DBN1: variants seen among roughly 807,000 people sequenced by gnomAD.
DBN1 encodes drebrin.
DBN1 carries 21 observed loss-of-function variants against 83.5 expected under a neutral mutation model. The observed-to-expected ratio is 0.25, with a 90% CI of 0.18 to 0.36. The LOEUF (loss-of-function observed/expected upper bound fraction) is 0.36. Ranked by LOEUF, DBN1 falls within the 10% of genes least tolerant of loss-of-function variation. The probability of loss-of-function intolerance (pLI) is 1.00; values close to 1 mark genes in which losing one functional copy is unlikely to be tolerated. For synonymous variants in DBN1, 381 were observed against 384.9 expected (o/e 0.99, Z 0.12); for missense variants, 874 against 935.7 (o/e 0.93, Z 0.86).
rs1384919099 is a variant in DBN1, at chr5:177,460,376, G to A, written c.955+56C>T. On this transcript the variant is annotated intron_variant, in intron 10 of 14. Transcript: ENST00000393565. Reference sequence around the variant, plus strand: ...TCCCTTCTGAGAGAGTCCCAGAGAGGCTCAGGGCCGCAACCTGAGGAGTGG... The same window carrying A: ...TCCCTTCTGAGAGAGTCCCAGAGAGACTCAGGGCCGCAACCTGAGGAGTGG... 3.1e-6 allele frequency: 5 copies of A among 1,610,534 alleles called. No homozygotes were observed. The African/African-American group carries it at 6.7e-5, about 22-fold the overall frequency.
chr5:177,467,722 G>A lies in DBN1; in HGVS notation c.330+21C>T. 3 of 1,552,534 alleles carry A rather than the reference G, an allele frequency of 1.9e-6. No individual in the cohort carries two copies. Among genetic ancestry groups the A allele is most frequent in the Non-Finnish European group, 2.6e-6 (3 of 1,147,834 alleles). ...CTGGTGGCTGTCCCCACCCCCAAGA[G>A]CGCTGGCCCCTGACACGCACCTGGA... On this transcript the variant is annotated intron_variant, in intron 4 of 14. Transcript: ENST00000393565. This position sits in a 1 kb window ranked among gnomAD's most constrained non-coding sequence, Gnocchi z 9.1.
At chr5:177,459,480 C>T (rs1005732278) in intron 11 of DBN1, 123 bp downstream of exon 11, 3 of 1,335,562 alleles carry the variant, frequency 2.2e-6, no homozygotes, top group South Asian at 1.6e-5. Context: ...AAGAGGCAGG[C>T]AGTGCCTGCC....
rs1051185804 is a variant in DBN1, at chr5:177,457,200, A to G, written c.*233T>C. On this transcript the variant is annotated 3_prime_UTR_variant, in exon 15 of 15. Transcript: ENST00000393565. Reference sequence around the variant, plus strand: ...ATTTGCAACAGCGTCTCAACTACCAACGAGAGGAAAGCCAGTCAACTGTAC... The same window carrying G: ...ATTTGCAACAGCGTCTCAACTACCAGCGAGAGGAAAGCCAGTCAACTGTAC... 2 of 560,794 alleles carry G rather than the reference A, an allele frequency of 3.6e-6. No individual in the cohort carries two copies. Among genetic ancestry groups the G allele is most frequent in the Non-Finnish European group, 6.4e-6 (2 of 313,806 alleles). 34.7% of individuals were successfully genotyped at this position (560,794 alleles called of 1,614,324 possible). A position where few individuals can be genotyped will look rare whatever the true frequency, so the allele number is the denominator to read the frequency against.
intron 8 of DBN1, among the ~76,000 whole-genome samples, chr5:177,462,063 C>T (rs1279109422): frequency 2.0e-5 from 3 of 152,130 alleles, no homozygotes; most frequent in Admixed American, 6.5e-5. Context: ...GTGTGCCACC[C>T]GCTCACCCCC....
rs1757491730 is a variant in DBN1 at position 177,467,003 on chromosome 5, C to T, written c.615G>A (p.Arg205=). 1 of 1,613,668 alleles carries T rather than the reference C, an allele frequency of 6.2e-7. No homozygotes were observed. Among genetic ancestry groups the T allele is most frequent in the Non-Finnish European group, 8.5e-7 (1 of 1,179,950 alleles). ...CCTGCTCCATCCGCTCCTGCTCGAA[C>T]CTGAGCCTCTCATCCAGGGCCTTCT... is the stretch of plus-strand genomic sequence containing the variant. ...ERKKALDERL[R]FEQERMEQER... Residue 205 remains arginine, a synonymous_variant, in exon 7 of 15, where the codon AGG becomes AGA. Transcript: ENST00000393565. This position sits in a 1 kb window ranked among gnomAD's most constrained non-coding sequence, Gnocchi z 9.1.
rs759180966 is a variant in DBN1, at chr5:177,467,337, A to C, written c.478-5T>G. 7 of 1,614,062 alleles carry C rather than the reference A, an allele frequency of 4.3e-6. No homozygotes were observed. Among genetic ancestry groups the C allele is most frequent in the Non-Finnish European group, 4.2e-6 (5 of 1,180,018 alleles). On this transcript the variant is annotated splice_region_variant and splice_polypyrimidine_tract_variant and intron_variant, in intron 5 of 14. Coordinates refer to ENST00000393565, the MANE Select transcript of DBN1 (RefSeq NM_001363541.2). The surrounding 1 kb of genome is among the most constrained non-coding windows in gnomAD (Gnocchi z 9.1). The stretch of plus-strand genomic sequence containing the variant: ...CGTCTTCTGGTAGGTGGTGCCCTGC[A>C]GTGTCGAAGGACCCAGCATAAGCAG...
Position 177,458,175 on chromosome 5 carries a change from G to A in DBN1, c.1797C>T (p.Ser599=). ...GAGTTGGGGTCTGGGGGGCAGCCAG[G>A]GACTCCCCTTCCACTTCCTCTGGGT... ...FCDPEEVEGE[S]LAAPQTPTLP... Residue 599 remains serine, a synonymous_variant, in exon 13 of 15, where the codon TCC becomes TCT. Transcript: ENST00000393565. 8 of 1,612,880 alleles carry A rather than the reference G, an allele frequency of 5.0e-6. No individual in the cohort carries two copies. Among genetic ancestry groups the A allele is most frequent in the Non-Finnish European group, 6.8e-6 (8 of 1,179,692 alleles).
chr5:177,465,933 T>TGGCAG (rs1757415680), intron 8 of DBN1, among the ~76,000 whole-genome samples: 1 of 151,758 alleles, frequency 6.6e-6, no homozygotes. Flanking sequence ...ATGTTCTTTA[T>TGGCAG]GTGGCAGGTG....
Position 177,457,411 on chromosome 5 carries a change from T to TA in DBN1, c.*21dup, listed in dbSNP as rs1362097835. The stretch of plus-strand genomic sequence containing the variant: ...TGCAGGTGGGCGGCCTTGGCAAGGG[T>TA]AGCCTAGGGCTGGCGCCACCGCTAA... On this transcript the variant is annotated 3_prime_UTR_variant, in exon 15 of 15. Coordinates refer to ENST00000393565, the MANE Select transcript of DBN1 (RefSeq NM_001363541.2). 2 of 1,610,610 alleles carry TA rather than the reference T, an allele frequency of 1.2e-6. No individual in the cohort carries two copies. The highest frequency in any genetic ancestry group is 3.3e-5 in the Admixed American group (2 of 59,994).
rs1241314772 is a variant in DBN1, at chr5:177,473,523, C to T, written c.-2G>A. On this transcript the variant is annotated 5_prime_UTR_variant, in exon 1 of 15. Coordinates refer to ENST00000393565, the MANE Select transcript of DBN1 (RefSeq NM_001363541.2). ...GCCGCTGAAGCTGACGCCGGCCATG[C>T]TTCGGGCCGGACCGGGCCGAACGGA... The T allele has an allele frequency of 7.7e-6, 11 of 1,420,392 alleles. No homozygotes were observed. The East Asian group carries it at 3.3e-4, about 43-fold the overall frequency. The allele number at this position is 1,420,392 out of a possible 1,614,324, so 88.0% of individuals were successfully genotyped here.
intron 1 of DBN1, among the ~76,000 whole-genome samples, chr5:177,469,495 T>C (rs1365256555): frequency 2.6e-5 from 4 of 152,104 alleles, no homozygotes; most frequent in African/African-American, 9.7e-5. Flanking sequence ...CTCTCTGAAA[T>C]GGGGATGAGG....
intron 10 of DBN1, 135 bp downstream of exon 10, chr5:177,460,297 G>T: frequency 7.6e-7 from 1 of 1,315,294 alleles, no homozygotes; most frequent in Non-Finnish European, 1.1e-6. Flanking sequence ...GTGGTGGGCG[G>T]ATGCACGCTG....
chr5:177,472,078 G>T (rs376559226), intron 1 of DBN1: 6 of 1,584,440 alleles, frequency 3.8e-6, no homozygotes, highest in Middle Eastern at 1.7e-4. Context: ...TGGGTGGGCC[G>T]CCTGCCTGCT....
Position 177,467,607 on chromosome 5 carries a change from G to C in DBN1, c.351C>G (p.Asn117Lys). 1 of 1,572,416 alleles carries C rather than the reference G, an allele frequency of 6.4e-7. No individual in the cohort carries two copies. Among genetic ancestry groups the C allele is most frequent in the Non-Finnish European group, 8.6e-7 (1 of 1,158,820 alleles). The change falls in exon 5 of 15, where the codon AAC (asparagine) becomes AAG (lysine). Residue 117 changes from asparagine to lysine, a missense_variant. By Grantham distance (94) the Asn-to-Lys change is moderately conservative (BLOSUM62 0). Transcript: ENST00000393565. The surrounding 1 kb of genome is among the most constrained non-coding windows in gnomAD (Gnocchi z 9.1). Reference sequence around the variant, plus strand: ...CGTCTATGTCTTCCACGCTGCTGGCGTTCACGATCACGTCGACACCCTTCC... The same window carrying C: ...CGTCTATGTCTTCCACGCTGCTGGCCTTCACGATCACGTCGACACCCTTCC... Reference protein sequence around the residue: ...EFFQGVDVIVNASSVEDIDAG... With the variant: ...EFFQGVDVIVKASSVEDIDAG...
chr5:177,460,287 G>A (rs1756922276), intron 10 of DBN1, 145 bp downstream of exon 10: 1 of 1,219,684 alleles, frequency 8.2e-7, no homozygotes, highest in African/African-American at 1.5e-5. Context: ...CACCTGGGAA[G>A]TGGTGGGCGG....
chr5:177,457,774 C>A lies in DBN1; in HGVS notation c.1915-17G>T. 6.5e-7 allele frequency: 1 copy of A among 1,545,210 alleles called. No individual in the cohort carries two copies. Among genetic ancestry groups the A allele is most frequent in the Non-Finnish European group, 8.9e-7 (1 of 1,120,190 alleles). On this transcript the variant is annotated splice_polypyrimidine_tract_variant and intron_variant, in intron 13 of 14. Transcript: ENST00000393565. ...CTCACTGGCCTGCAGGGGAAAGCATCAGGTCACTTGGCCCCACCCAGCAGG... is the reference window on the plus strand; with the variant it reads ...CTCACTGGCCTGCAGGGGAAAGCATAAGGTCACTTGGCCCCACCCAGCAGG...
chr5:177,460,581 G>A lies in DBN1; in HGVS notation c.832-26C>T, dbSNP rs763336531. The A allele has an allele frequency of 3.1e-6, 5 of 1,614,162 alleles. No individual in the cohort carries two copies. The East Asian group carries it at 6.7e-5, about 22-fold the overall frequency. ...CTGAGGGCACGAGGAAAAGGTTGGG[G>A]CTGGGCCAGGCAAGCTGAGATAGCC... On this transcript the variant is annotated intron_variant, in intron 9 of 14. Transcript: ENST00000393565.
intron 1 of DBN1, chr5:177,472,786 TCCGCGAC>T: frequency 1.0e-6 from 1 of 986,508 alleles, no homozygotes; most frequent in Non-Finnish European, 1.2e-6. Flanking sequence ...CCCTGCCTCC[TCCGCGAC>T]CCGCGGCGGT....
In DBN1 at chr5:177,460,671, G is replaced by T. The variant is rs772194401; in HGVS notation, c.804C>A (p.His268Gln). The T allele has an allele frequency of 6.2e-7, 1 of 1,614,194 alleles. No individual in the cohort carries two copies. The highest frequency in any genetic ancestry group is 1.1e-5 in the South Asian group (1 of 91,082). Residue 268 changes from histidine (H) to glutamine (Q), a missense_variant, in exon 9 of 15, where the codon CAC (histidine) becomes CAA (glutamine). His to Gln is a conservative substitution (Grantham distance 24). This residue lies in a region of DBN1 where 725 missense variants were observed against 719.7 expected (regional missense o/e 1.01). Coordinates refer to ENST00000393565, the MANE Select transcript of DBN1 (RefSeq NM_001363541.2). Reference sequence around the variant, plus strand: ...CCACCTCCGACTCTGACTTCTTCATGTGGGTCTCTTCCTCCTCATCCCGAT... The same window carrying T: ...CCACCTCCGACTCTGACTTCTTCATTTGGGTCTCTTCCTCCTCATCCCGAT... ...GDHRDEEEET[H>Q]MKKSESEVEE... is the part of the protein sequence containing the mutation.
Sources: allele counts gnomAD v4.1 joint callset (sites outside exome capture counted in the v4.1 genomes callset), GRCh38; gene constraint gnomAD v4.1.1; regional missense constraint gnomAD v4.1.1; non-coding constraint Gnocchi (gnomAD v3.1); transcripts MANE v1.5; gene names NCBI Gene and HGNC (gene_info 2026-07-23, HGNC 2026-07-21).